The following CLIP1 variants were observed in gnomAD, a reference collection of about 807,000 sequenced individuals.
The protein encoded by CLIP1 is CAP-Gly domain containing linker protein 1.
CLIP1 carries 66 observed loss-of-function variants against 161.6 expected under a neutral mutation model. That is an observed-to-expected ratio of 0.41 (90% CI 0.33 to 0.50). The LOEUF is 0.50. CLIP1 is among the 20% of genes least tolerant of loss of function. The pLI is 0.27. For synonymous variants in CLIP1, 598 were observed against 626.2 expected (o/e 0.96, Z 0.67); for missense variants, 1,376 against 1,702.0 (o/e 0.81, Z 3.37).
At chr12:122,393,368 G>A (rs928742421) in intron 1 of CLIP1, among the ~76,000 whole-genome samples, 1 of 151,594 alleles carries the variant, frequency 6.6e-6, no homozygotes. Context: ...CACCATATTG[G>A]CCAGGAGGGT....
rs976296679 is a variant in CLIP1, at chr12:122,354,720, C to T, written c.1204-164G>A. 3 of 599,074 alleles carry T rather than the reference C, an allele frequency of 5.0e-6. No individual in the cohort carries two copies. The African/African-American group carries it at 5.6e-5, about 11-fold the overall frequency. 37.1% of individuals were successfully genotyped at this position (599,074 alleles called of 1,614,324 possible). On this transcript the variant is annotated intron_variant, in intron 6 of 25. Transcript: ENST00000620786. ...TTAATAGGTTATTCTCAACAGCTTTCCTGGAAGATAGATGATGAAAGTGAT... is the reference window on the plus strand; with the variant it reads ...TTAATAGGTTATTCTCAACAGCTTTTCTGGAAGATAGATGATGAAAGTGAT...
At chr12:122,352,516 A>T (rs990678516) in intron 8 of CLIP1, among the ~76,000 whole-genome samples, 1 of 152,184 alleles carries the variant, frequency 6.6e-6, no homozygotes, top group Non-Finnish European at 1.5e-5. Context: ...CATGAGAAAG[A>T]AGTAGTGCAA....
chr12:122,319,856 G>C (rs1162051707), intron 17 of CLIP1, among the ~76,000 whole-genome samples: 2 of 152,136 alleles, frequency 1.3e-5, no homozygotes, highest in Non-Finnish European at 2.9e-5. Flanking sequence ...TCTAACATAA[G>C]GCTCAAGTGT....
chr12:122,405,559 C>T (rs537127261), intron 1 of CLIP1, among the ~76,000 whole-genome samples: 3 of 152,106 alleles, frequency 2.0e-5, no homozygotes, highest in Admixed American at 6.5e-5. Context: ...GAGGCCAAGG[C>T]GGATAGATCA....
chr12:122,299,273 T>C (rs1474266031), intron 20 of CLIP1, among the ~76,000 whole-genome samples: 1 of 152,088 alleles, frequency 6.6e-6, no homozygotes, highest in African/African-American at 2.4e-5. Context: ...TGCCAGGCAA[T>C]GGCTTTCTAC....
At chr12:122,331,464 A>C (rs1216367893) in intron 15 of CLIP1, among the ~76,000 whole-genome samples, 1 of 151,622 alleles carries the variant, frequency 6.6e-6, no homozygotes, top group Non-Finnish European at 1.5e-5. Flanking sequence ...ACGGGTGCAC[A>C]CCACCATGCC....
At position 122,355,382 on chromosome 12, in the gene CLIP1, C is replaced by G. The variant is rs1593144961; in HGVS notation, c.1006-70G>C. 2.8e-6 allele frequency: 4 copies of G among 1,410,792 alleles called. No homozygotes were observed. The East Asian group carries it at 9.3e-5, about 33-fold the overall frequency. 87.4% of individuals were successfully genotyped at this position (1,410,792 alleles called of 1,614,324 possible). A position where few individuals can be genotyped will look rare whatever the true frequency, so the allele number is the denominator to read the frequency against. On this transcript the variant is annotated intron_variant, in intron 5 of 25. Coordinates refer to ENST00000620786, the MANE Select transcript of CLIP1 (RefSeq NM_001247997.2). The surrounding 1 kb of genome is among the most constrained non-coding windows in gnomAD (Gnocchi z 4.1). Reference sequence around the variant, plus strand: ...AAAAGCGAGGGAGGCGCGATGCATGCATGGCGGGCATCTGCTCGGCAAAGC... The same window carrying G: ...AAAAGCGAGGGAGGCGCGATGCATGGATGGCGGGCATCTGCTCGGCAAAGC...
chr12:122,365,668 T>A lies in CLIP1; in HGVS notation c.658-1561A>T, dbSNP rs1434359558. The A allele has an allele frequency of 4.6e-5, 29 of 624,052 alleles. No individual in the cohort carries two copies. The African/African-American group carries it at 8.2e-4, about 18-fold the overall frequency. 38.7% of individuals were successfully genotyped at this position (624,052 alleles called of 1,614,324 possible). On this transcript the variant is annotated intron_variant, in intron 3 of 25. Coordinates refer to ENST00000620786, the MANE Select transcript of CLIP1 (RefSeq NM_001247997.2). ...AAAATAAAATAAAATAAAGGACCTC[T>A]GGGCTATTTAAAAAAAAAAAAAAAG...
intron 15 of CLIP1, among the ~76,000 whole-genome samples, chr12:122,330,625 A>C (rs1593084495): frequency 1.1e-5 from 1 of 87,826 alleles, no homozygotes; most frequent in Admixed American, 1.5e-4. Context: ...TTTGAGATGG[A>C]GTCTCGCACT....
At chr12:122,352,281 T>G (rs528321687) in intron 8 of CLIP1, among the ~76,000 whole-genome samples, 3 of 152,256 alleles carry the variant, frequency 2.0e-5, no homozygotes, top group African/African-American at 7.2e-5. Flanking sequence ...GGTTTCGAAC[T>G]CCTGACCTCG....
At chr12:122,296,676 G>T (rs1003801814) in intron 20 of CLIP1, among the ~76,000 whole-genome samples, 2 of 151,820 alleles carry the variant, frequency 1.3e-5, no homozygotes, top group Admixed American at 6.6e-5. Flanking sequence ...AAATGACAGG[G>T]TATCTAGGAT....
At chr12:122,328,474 T>A (rs754960523) in intron 15 of CLIP1, 48 bp from the exon 16 acceptor site, 1 of 1,221,730 alleles carries the variant, frequency 8.2e-7, no homozygotes, top group South Asian at 1.9e-5. Flanking sequence ...TAAGAATGTT[T>A]TAAATTTAAG....
intron 13 of CLIP1, 28 bp from the exon 14 acceptor site, chr12:122,334,138 A>G (rs1952108927): frequency 2.2e-6 from 3 of 1,373,152 alleles, no homozygotes; most frequent in South Asian, 2.4e-5. Flanking sequence ...TAGAAGTTTA[A>G]TATGTTTCAT....
At chr12:122,407,415 T>A (rs549480714) in intron 1 of CLIP1, among the ~76,000 whole-genome samples, 151 of 152,096 alleles carry the variant, frequency 9.9e-4, no homozygotes, top group African/African-American at 3.4e-3. Flanking sequence ...CAAGGCAAGT[T>A]AAAACTGACC....
rs1487153501 is a variant in CLIP1, at chr12:122,357,367, G to A, written c.1006-2055C>T. On this transcript the variant is annotated intron_variant, in intron 5 of 25. Coordinates refer to ENST00000620786, the MANE Select transcript of CLIP1 (RefSeq NM_001247997.2). ...AGAGGAGACCCTCCGCCTGGCAACC[G>A]CCCCGTCTGAGAAGTGAGGAGCCCC... Among the ~76,000 whole-genome samples, 15 of 148,524 alleles carry A rather than the reference G, an allele frequency of 1.0e-4. No individual in the cohort carries two copies. The East Asian group carries it at 2.3e-3, about 23-fold the overall frequency.
Position 122,360,945 on chromosome 12 carries a change from G to C in CLIP1, c.1005+14C>G. On this transcript the variant is annotated intron_variant, in intron 5 of 25. Coordinates refer to ENST00000620786, the MANE Select transcript of CLIP1 (RefSeq NM_001247997.2). The stretch of plus-strand genomic sequence containing the variant: ...CCTGGGAAGTGGAGGCAGGTAGTGA[G>C]AAAGGGGCCTTACTAGTCCTGTCCG... The C allele has an allele frequency of 6.3e-7, 1 of 1,598,078 alleles. No individual in the cohort carries two copies. The highest frequency in any genetic ancestry group is 1.1e-5 in the South Asian group (1 of 90,258).
At position 122,309,851 on chromosome 12, in the gene CLIP1, A is replaced by G; in HGVS notation, c.3505T>C (p.Ser1169Pro). ...TCTTGCAACGCTGAAAGCTGCTGGGACTTCTGAGCTGCTGCCTGCTTTAGG... is the reference window on the plus strand; with the variant it reads ...TCTTGCAACGCTGAAAGCTGCTGGGGCTTCTGAGCTGCTGCCTGCTTTAGG... ...ETLKQAAAQK[S>P]QQLSALQEEN... The change falls in exon 20 of 26, where the codon TCC (serine) becomes CCC (proline). Residue 1169 changes from serine (S) to proline (P), a missense_variant. Ser to Pro is a moderately conservative substitution (Grantham distance 74, BLOSUM62 -1). Coordinates refer to ENST00000620786, the MANE Select transcript of CLIP1 (RefSeq NM_001247997.2). The G allele has an allele frequency of 6.2e-7, 1 of 1,614,000 alleles. No homozygotes were observed. Among genetic ancestry groups the G allele is most frequent in the South Asian group, 1.1e-5 (1 of 91,072 alleles).
At chr12:122,354,871 C>T (rs1329726138) in intron 6 of CLIP1, 25 of 586,788 alleles carry the variant, frequency 4.3e-5, no homozygotes, top group South Asian at 2.1e-5. Context: ...CTAACACAGA[C>T]AGGCCAAAAG....
In CLIP1 at chr12:122,364,080, G is replaced by A. The variant is rs958782845; in HGVS notation, c.685C>T (p.Arg229Trp). 5 of 1,614,046 alleles carry A rather than the reference G, an allele frequency of 3.1e-6. No individual in the cohort carries two copies. Among genetic ancestry groups the A allele is most frequent in the African/African-American group, 1.3e-5 (1 of 74,982 alleles). ...GCAAAGTCGGTCTCCCCAAGAAACC[G>A]GACTACACCAGCCTTAGTGCCACCA... Reference protein sequence around the residue: ...LVGGTKAGVVRFLGETDFAKG... With the variant: ...LVGGTKAGVVWFLGETDFAKG... The change falls in exon 4 of 26, where the codon CGG becomes TGG. Residue 229 changes from arginine (R) to tryptophan (W), a missense_variant. This residue lies in a region of CLIP1 where 211 missense variants were observed against 295.1 expected (regional missense o/e 0.72). Coordinates refer to ENST00000620786, the MANE Select transcript of CLIP1 (RefSeq NM_001247997.2).
Sources: gnomAD v4.1 joint callset for allele counts (sites outside exome capture counted in the v4.1 genomes callset) on GRCh38, gnomAD v4.1.1 for gene constraint, gnomAD v4.1.1 regional missense constraint, Gnocchi (gnomAD v3.1) non-coding constraint, MANE v1.5 for transcripts, NCBI Gene and HGNC (gene_info 2026-07-23, HGNC 2026-07-21) for gene names.